STARD13: variants seen among roughly 807,000 people sequenced by gnomAD.
The protein encoded by STARD13 is StAR related lipid transfer domain containing 13, also known as stAR-related lipid transfer protein 13.
Under a neutral mutation model 106.4 loss-of-function variants are expected in STARD13, and 62 were observed. The observed-to-expected ratio is 0.58, with a 90% CI of 0.48 to 0.72. The LOEUF (loss-of-function observed/expected upper bound fraction) is 0.72. Ranked by LOEUF, STARD13 falls within the 30% of genes least tolerant of loss-of-function variation. STARD13 has a pLI of 0.00. For missense variants in STARD13, 1,387 were observed against 1,424.0 expected (o/e 0.97, Z 0.42); for synonymous variants, 565 against 553.0 (o/e 1.02, Z -0.31).
the STARD13 span, among the ~76,000 whole-genome samples, chr13:33,389,112 C>T: frequency 2.6e-5 from 4 of 151,316 alleles, no homozygotes; most frequent in East Asian, 1.9e-4. Context: ...CCAACCACCA[C>T]GTCTGGCTAA....
At chr13:33,402,620 C>T in the STARD13 span, among the ~76,000 whole-genome samples, 1 of 152,256 alleles carries the variant, frequency 6.6e-6, no homozygotes, top group African/African-American at 2.4e-5. Context: ...TCCCCCTATC[C>T]TGTACCCATA....
At chr13:33,563,370 T>C in the STARD13 span, among the ~76,000 whole-genome samples, 3 of 146,764 alleles carry the variant, frequency 2.0e-5, no homozygotes, top group Non-Finnish European at 3.0e-5. Flanking sequence ...GGTAGTGGTA[T>C]AAAAACAGAT....
At chr13:33,603,745 A>AT in the STARD13 span, among the ~76,000 whole-genome samples, 2 of 152,100 alleles carry the variant, frequency 1.3e-5, no homozygotes, top group Non-Finnish European at 2.9e-5. Context: ...AATTTTAAAA[A>AT]TTTTTCACTG....
intron 1 of STARD13, among the ~76,000 whole-genome samples, chr13:33,316,150 C>T (rs913191162): frequency 6.6e-6 from 1 of 152,166 alleles, no homozygotes; most frequent in Non-Finnish European, 1.5e-5. Flanking sequence ...CAGACTCTAC[C>T]TTCTGCCTTC....
chr13:33,495,973 T>TA, the STARD13 span, among the ~76,000 whole-genome samples: 2 of 142,440 alleles, frequency 1.4e-5, no homozygotes, highest in African/African-American at 5.1e-5. Context: ...TAATATATAA[T>TA]TATTATAATA....
chr13:33,235,754 C>G (rs1268462091), intron 1 of STARD13, among the ~76,000 whole-genome samples: 1 of 152,244 alleles, frequency 6.6e-6, no homozygotes, highest in African/African-American at 2.4e-5. Context: ...TGGGTCCCCT[C>G]CAGACTTCCT....
At chr13:33,448,788 A>G in the STARD13 span, among the ~76,000 whole-genome samples, 2 of 152,132 alleles carry the variant, frequency 1.3e-5, no homozygotes, top group African/African-American at 4.8e-5. Context: ...TCCTTTTGAT[A>G]ATAGTCATTC....
At chr13:33,523,508 T>A in the STARD13 span, among the ~76,000 whole-genome samples, 125 of 152,260 alleles carry the variant, frequency 8.2e-4, no homozygotes, top group Non-Finnish European at 1.3e-3. Flanking sequence ...AGCAACTGTA[T>A]ACAACCTTGC....
At chr13:33,515,420 C>A in the STARD13 span, among the ~76,000 whole-genome samples, 1 of 152,086 alleles carries the variant, frequency 6.6e-6, no homozygotes, top group African/African-American at 2.4e-5. Flanking sequence ...AAACCTAGAG[C>A]CTCTTGAAAT....
the STARD13 span, among the ~76,000 whole-genome samples, chr13:33,506,142 T>A: frequency 6.6e-6 from 1 of 152,276 alleles, no homozygotes; most frequent in East Asian, 1.9e-4. Flanking sequence ...AAAAATTTGT[T>A]TTCTTAAATC....
the STARD13 span, among the ~76,000 whole-genome samples, chr13:33,388,068 A>G: frequency 1.3e-5 from 2 of 152,210 alleles, no homozygotes; most frequent in Admixed American, 6.5e-5. Context: ...GGGGAGCTAG[A>G]GTTCAATGGT....
At chr13:33,141,804 G>A (rs1196733418) in intron 4 of STARD13, among the ~76,000 whole-genome samples, 2 of 152,018 alleles carry the variant, frequency 1.3e-5, no homozygotes, top group African/African-American at 4.8e-5. Flanking sequence ...AGTCTAATAA[G>A]GGGTTGACAT....
chr13:33,627,988 C>T, the STARD13 span, among the ~76,000 whole-genome samples: 2 of 143,466 alleles, frequency 1.4e-5, no homozygotes, highest in Non-Finnish European at 3.0e-5. Context: ...TTTTTTGAGA[C>T]GGAGTCTCGC....
In STARD13 at chr13:33,129,214, T is replaced by G; in HGVS notation, c.1463A>C (p.Asp488Ala). The G allele has an allele frequency of 1.2e-6, 2 of 1,614,184 alleles. No homozygotes were observed. The highest frequency in any genetic ancestry group is 8.5e-7 in the Non-Finnish European group (1 of 1,180,028). ...GAGCCCATTGACATGCTGCAGAATG[T>G]CATCCAAGTGAGGGAAAAGGTCATC... The part of the protein sequence containing the change: ...EKDDLFPHLD[D>A]ILQHVNGLQE... The change falls in exon 5 of 14, where the codon GAC becomes GCC. Residue 488 changes from aspartate to alanine, a missense_variant. By Grantham distance (126) the Asp-to-Ala change is moderately radical. Coordinates refer to ENST00000336934, the MANE Select transcript of STARD13 (RefSeq NM_178006.4).
the STARD13 span, among the ~76,000 whole-genome samples, chr13:33,473,923 C>A: frequency 1.3e-5 from 2 of 152,164 alleles, no homozygotes; most frequent in Admixed American, 6.5e-5. Flanking sequence ...CAAGCTCAAC[C>A]AACTGAGAGA....
chr13:33,324,458 G>A (rs1202144234), intron 1 of STARD13, among the ~76,000 whole-genome samples: 2 of 152,336 alleles, frequency 1.3e-5, no homozygotes, highest in Admixed American at 1.3e-4. Flanking sequence ...TTGTAATCGT[G>A]TATCTTTAGG....
chr13:33,522,007 T>C, the STARD13 span, among the ~76,000 whole-genome samples: 3 of 152,160 alleles, frequency 2.0e-5, no homozygotes, highest in Non-Finnish European at 4.4e-5. Flanking sequence ...TCATTGTTAA[T>C]TTTTAAGAAA....
the STARD13 span, among the ~76,000 whole-genome samples, chr13:33,632,889 A>G: frequency 6.6e-6 from 1 of 151,796 alleles, no homozygotes; most frequent in African/African-American, 2.4e-5. Flanking sequence ...GTGATCATTC[A>G]TGGAACTGAA....
At chr13:33,219,615 T>A (rs905167322) in intron 1 of STARD13, among the ~76,000 whole-genome samples, 1 of 149,638 alleles carries the variant, frequency 6.7e-6, no homozygotes, top group Non-Finnish European at 1.5e-5. Flanking sequence ...GAGGATCACT[T>A]GAGGCCAGGA....
Sources: gnomAD v4.1 joint callset for allele counts (sites outside exome capture counted in the v4.1 genomes callset) on GRCh38, gnomAD v4.1.1 for gene constraint, MANE v1.5 for transcripts, NCBI Gene and HGNC (gene_info 2026-07-23, HGNC 2026-07-21) for gene names.